The following SCOC variants were observed in gnomAD, a reference collection of about 807,000 sequenced individuals.
SCOC encodes short coiled-coil protein.
Under a neutral mutation model 9.9 loss-of-function variants are expected in SCOC, and 7 were observed. That is an observed-to-expected ratio of 0.71 (90% confidence interval 0.40 to 1.33). The LOEUF is 1.33. Among genes scored for constraint, SCOC ranks in the 40% most tolerant of loss-of-function variants. The pLI is 0.01. For missense variants in SCOC, 66 were observed against 89.7 expected (o/e 0.74, Z 1.07); for synonymous variants, 19 against 28.2 (o/e 0.67, Z 1.03).
Position 140,317,072 on chromosome 4 carries a change from G to A in SCOC, c.-18-26549G>A, listed in dbSNP as rs557003491. Among the ~76,000 whole-genome samples the A allele has an allele frequency of 5.9e-5, 9 of 152,182 alleles. No homozygotes were observed. The South Asian group carries it at 1.9e-3, about 32-fold the overall frequency. ...ACAGGTTTCCACGAACACTTCCGTT[G>A]TCCATGATCTTAAGGGCTTTTCAGG... On this transcript the variant is annotated intron_variant, in intron 1 of 4. Transcript: ENST00000394205.
intron 1 of SCOC, among the ~76,000 whole-genome samples, chr4:140,325,314 A>G (rs918091030): frequency 6.6e-6 from 1 of 152,158 alleles, no homozygotes; most frequent in Non-Finnish European, 1.5e-5. Flanking sequence ...GATAAATTTG[A>G]CTTTATCAAA....
At chr4:140,373,482 C>A, upstream of SCOC, 1 of 1,550,714 alleles carries the variant, frequency 6.4e-7, no homozygotes, top group Non-Finnish European at 8.7e-7. Context: ...TTTGTTATGG[C>A]AAAGGTGGAT....
At chr4:140,323,147 A>T (rs1732548957) in intron 1 of SCOC, among the ~76,000 whole-genome samples, 1 of 152,128 alleles carries the variant, frequency 6.6e-6, no homozygotes, top group South Asian at 2.1e-4. Flanking sequence ...TGGTTGGGTC[A>T]TAGGGGCAGA....
At chr4:140,287,708 C>T (rs1350073776) in intron 1 of SCOC, among the ~76,000 whole-genome samples, 2 of 152,086 alleles carry the variant, frequency 1.3e-5, no homozygotes, top group Non-Finnish European at 2.9e-5. Context: ...CACATGGACA[C>T]ACGTGCATAT....
At chr4:140,263,137 T>G (rs1413455543) in intron 1 of SCOC, among the ~76,000 whole-genome samples, 1 of 152,212 alleles carries the variant, frequency 6.6e-6, no homozygotes, top group African/African-American at 2.4e-5. Flanking sequence ...CATTTGCATC[T>G]CTTTAAACTA....
At chr4:140,343,574 A>G in intron 1 of SCOC, 1 of 1,296,708 alleles carries the variant, frequency 7.7e-7, no homozygotes, top group Non-Finnish European at 1.1e-6. Context: ...GGGCGGTCAC[A>G]TGGGACAACT....
At chr4:140,379,506 G>T in intron 2 of SCOC, 63 bp from the exon 3 acceptor site, 2 of 1,209,030 alleles carry the variant, frequency 1.7e-6, no homozygotes, top group Non-Finnish European at 2.4e-6. Context: ...AGATTTTTAA[G>T]TGCTACCCTA....
intron 1 of SCOC, among the ~76,000 whole-genome samples, chr4:140,294,754 C>G (rs755443954): frequency 2.6e-5 from 4 of 152,282 alleles, no homozygotes; most frequent in Non-Finnish European, 5.9e-5. Flanking sequence ...CCACCATAAG[C>G]TGAAATGTTG....
chr4:140,314,970 G>A (rs1012187426), intron 1 of SCOC, among the ~76,000 whole-genome samples: 1 of 152,146 alleles, frequency 6.6e-6, no homozygotes, highest in African/African-American at 2.4e-5. Context: ...CCAAATTTGG[G>A]TCTGTGTCCC....
intron 1 of SCOC, among the ~76,000 whole-genome samples, chr4:140,261,251 G>A (rs1013912834): frequency 6.6e-6 from 1 of 152,228 alleles, no homozygotes; most frequent in African/African-American, 2.4e-5. Context: ...CTAGGCAGAA[G>A]AGTATGTAAC....
chr4:140,277,715 A>C (rs1039210732), intron 1 of SCOC, among the ~76,000 whole-genome samples: 1 of 152,232 alleles, frequency 6.6e-6, no homozygotes. Context: ...CAAAAAAAAC[A>C]ATAGGGGCAT....
intron 2 of SCOC, among the ~76,000 whole-genome samples, chr4:140,364,398 C>G (rs1191555467): frequency 3.3e-5 from 5 of 152,012 alleles, no homozygotes; most frequent in Non-Finnish European, 7.4e-5. Flanking sequence ...TTCCAGATGC[C>G]ATTAAGAAAA....
chr4:140,314,185 C>A, intron 1 of SCOC: 1 of 211,190 alleles, frequency 4.7e-6, no homozygotes, highest in Non-Finnish European at 1.0e-5. Context: ...GTTAAATGTT[C>A]AGCCCAATTT....
At chr4:140,358,876 A>T (rs1727343827) in intron 2 of SCOC, among the ~76,000 whole-genome samples, 1 of 152,248 alleles carries the variant, frequency 6.6e-6, no homozygotes, top group Non-Finnish European at 1.5e-5. Flanking sequence ...AAAGAGGAAG[A>T]ACTTATATTT....
intron 2 of SCOC, among the ~76,000 whole-genome samples, chr4:140,360,039 T>G (rs1652912907): frequency 6.6e-6 from 1 of 152,304 alleles, no homozygotes; most frequent in East Asian, 1.9e-4. Context: ...TTTCCAGGTA[T>G]AATGAAATAA....
intron 1 of SCOC, among the ~76,000 whole-genome samples, chr4:140,277,565 G>T (rs981704101): frequency 5.3e-5 from 8 of 152,104 alleles, no homozygotes; most frequent in African/African-American, 1.7e-4. Flanking sequence ...TACTTCTGGT[G>T]GAAAAGGGAG....
intron 1 of SCOC, among the ~76,000 whole-genome samples, chr4:140,306,430 G>C (rs1158917746): frequency 6.6e-6 from 1 of 152,132 alleles, no homozygotes; most frequent in African/African-American, 2.4e-5. Flanking sequence ...ATATAGACAA[G>C]AAAACAGCCC....
intron 1 of SCOC, among the ~76,000 whole-genome samples, chr4:140,263,550 T>G (rs1009798675): frequency 1.3e-5 from 2 of 152,138 alleles, no homozygotes; most frequent in African/African-American, 4.8e-5. Flanking sequence ...GAAAGCAGGT[T>G]ATCATCACTA....
chr4:140,325,294 G>C (rs1732612829), intron 1 of SCOC, among the ~76,000 whole-genome samples: 1 of 152,076 alleles, frequency 6.6e-6, no homozygotes, highest in Non-Finnish European at 1.5e-5. Context: ...ATCCATAAAA[G>C]AAAAAAACTG....
Sources: gnomAD v4.1 joint callset for allele counts (sites outside exome capture counted in the v4.1 genomes callset) on GRCh38, gnomAD v4.1.1 for gene constraint, MANE v1.5 for transcripts, NCBI Gene and HGNC (gene_info 2026-07-23, HGNC 2026-07-21) for gene names.